Variants in TRIM49C observed in about 807,000 individuals in gnomAD.
TRIM49C encodes tripartite motif containing 49C, also known as tripartite motif-containing protein 49C.
TRIM49C carries 6 observed loss-of-function variants against 21.4 expected under a neutral mutation model. That is an observed-to-expected ratio of 0.28 (90% CI 0.15 to 0.55). The LOEUF (loss-of-function observed/expected upper bound fraction) is 0.55, where lower values mean the gene tolerates loss of function less well. Ranked by LOEUF, TRIM49C falls within the 20% of genes least tolerant of loss-of-function variation. TRIM49C has a pLI of 0.94. For missense variants in TRIM49C, 161 were observed against 442.4 expected (o/e 0.36, Z 5.71); for synonymous variants, 57 against 148.1 (o/e 0.38, Z 4.47).
the TRIM49C span, among the ~76,000 whole-genome samples, chr11:90,055,628 A>G: frequency 6.6e-6 from 1 of 150,652 alleles, no homozygotes; most frequent in East Asian, 2.0e-4. Flanking sequence ...TTTTGAACCT[A>G]TAGGATGGGA....
At chr11:90,046,826 C>T (rs1422309949), downstream of TRIM49C, among the ~76,000 whole-genome samples, 1 of 123,820 alleles carries the variant, frequency 8.1e-6, no homozygotes, top group East Asian at 2.6e-4. Flanking sequence ...AATGTGTTTG[C>T]TCTTGCTTCT....
Position 90,041,078 on chromosome 11 carries a change from C to T in TRIM49C, c.887C>T (p.Ala296Val). ...RVHITLHHEE[A>V]NSDIFLYEIL... ...CATATTACTCTGCATCATGAAGAAG[C>T]CAACAGTGATATCTTTCTGTATGAA... is the stretch of plus-strand genomic sequence containing the variant. Residue 296 changes from alanine (A) to valine (V), a missense_variant, in exon 8 of 8, where the codon GCC becomes GTC. Coordinates refer to ENST00000448984, the MANE Select transcript of TRIM49C (RefSeq NM_001195234.1). The T allele has an allele frequency of 1.3e-6, 2 of 1,591,798 alleles. No individual in the cohort carries two copies. The highest frequency in any genetic ancestry group is 1.7e-6 in the Non-Finnish European group (2 of 1,168,010).
intron 6 of TRIM49C, among the ~76,000 whole-genome samples, 170 bp from the exon 7 acceptor site, chr11:90,039,695 C>A (rs554143353): frequency 7.4e-6 from 1 of 136,020 alleles, no homozygotes; most frequent in Non-Finnish European, 1.6e-5. Context: ...TTCCATCATG[C>A]TTTAAAATTT....
At chr11:90,034,147 G>A (rs1293291944) in intron 2 of TRIM49C, among the ~76,000 whole-genome samples, 1 of 118,176 alleles carries the variant, frequency 8.5e-6, no homozygotes, top group Non-Finnish European at 1.6e-5. Context: ...CTAAGCTCAA[G>A]TCTGAAAGCT....
chr11:90,053,180 T>C, the TRIM49C span: 1 of 139,844 alleles, frequency 7.2e-6, no homozygotes, highest in Non-Finnish European at 1.6e-5. Context: ...CAGATCTGTG[T>C]TAAAGCTCAA....
In TRIM49C at chr11:90,034,652, ATTTAAT is replaced by A. The variant is rs915136758; in HGVS notation, c.-4-550_-4-545del. ...GATTTGGGTCTTTGTTTTTAATTTA[ATTTAAT>A]TTTAAGTCCTGGGATAACTGCAGGA... On this transcript the variant is annotated intron_variant, in intron 2 of 7. Coordinates refer to ENST00000448984, the MANE Select transcript of TRIM49C (RefSeq NM_001195234.1). Among the ~76,000 whole-genome samples the A allele has an allele frequency of 6.6e-4, 83 of 126,632 alleles. 11 individuals carry two copies. The highest frequency in any genetic ancestry group is 1.2e-3 in the Non-Finnish European group (71 of 61,030). The allele number at this position is 126,632 out of a possible 152,430, so 83.1% of individuals were successfully genotyped here.
chr11:90,071,264 C>A, the TRIM49C span: 3 of 466,934 alleles, frequency 6.4e-6, no homozygotes, highest in African/African-American at 4.1e-5. Context: ...TTTACTAACA[C>A]CATAATGTGT....
At chr11:90,038,597 A>G (rs1803199166) in intron 5 of TRIM49C, 96 bp from the exon 6 acceptor site, 2 of 1,074,988 alleles carry the variant, frequency 1.9e-6, no homozygotes, top group Middle Eastern at 2.6e-4. Flanking sequence ...TAGGGAAATA[A>G]TATCTTCAGA....
At chr11:90,031,757 G>C (rs928246739) in intron 1 of TRIM49C, among the ~76,000 whole-genome samples, 1 of 149,846 alleles carries the variant, frequency 6.7e-6, no homozygotes, top group Non-Finnish European at 1.5e-5. Context: ...TTCTCTTAGA[G>C]TGGTAGAAAA....
chr11:90,069,094 GTTTTGTTTTTGT>G, the TRIM49C span, among the ~76,000 whole-genome samples: 3 of 130,208 alleles, frequency 2.3e-5, no homozygotes, highest in East Asian at 4.6e-4. Flanking sequence ...TTTTTGTTTT[GTTTTGTTTTTGT>G]TTTTGTTTTT....
At chr11:90,072,458 G>A in the TRIM49C span, among the ~76,000 whole-genome samples, 19 of 144,606 alleles carry the variant, frequency 1.3e-4, no homozygotes, top group East Asian at 3.7e-3. Context: ...TTCTCTTTAA[G>A]TATGAATTTT....
At chr11:90,039,661 C>A (rs2134821616) in intron 6 of TRIM49C, among the ~76,000 whole-genome samples, 2 of 133,548 alleles carry the variant, frequency 1.5e-5, no homozygotes, top group Middle Eastern at 3.8e-3. Context: ...AAAGAAGGAT[C>A]AGATTGGATT....
Position 90,039,209 on chromosome 11 carries a change from G to C in TRIM49C, c.761+494G>C, listed in dbSNP as rs1161429612. On this transcript the variant is annotated intron_variant, in intron 6 of 7. Coordinates refer to ENST00000448984, the MANE Select transcript of TRIM49C (RefSeq NM_001195234.1). ...GCTGGGATTACAGGCGTGAACCACC[G>C]TGCCCGGCCCCTGATTTTGTTTTAT... 1.1e-4 allele frequency among the ~76,000 whole-genome samples: 14 copies of C among 132,780 alleles called. 3 individuals are homozygous for C. The allele number at this position is 132,780 out of a possible 152,430, so 87.1% of individuals were successfully genotyped here.
At chr11:90,049,166 G>T in the TRIM49C span, among the ~76,000 whole-genome samples, 3 of 123,096 alleles carry the variant, frequency 2.4e-5, no homozygotes, top group African/African-American at 9.6e-5. Context: ...TGAGGTGTCA[G>T]TCTGCCCCTA....
the TRIM49C span, among the ~76,000 whole-genome samples, chr11:90,063,513 C>T: frequency 7.8e-5 from 11 of 140,390 alleles, no homozygotes; most frequent in African/African-American, 2.7e-4. Flanking sequence ...ATCATCCTGG[C>T]TAATACGGTG....
At chr11:90,059,773 C>G in the TRIM49C span, among the ~76,000 whole-genome samples, 1 of 139,552 alleles carries the variant, frequency 7.2e-6, no homozygotes, top group Non-Finnish European at 1.5e-5. Context: ...CTGAGGGGCC[C>G]GAGGTAACCA....
chr11:90,042,391 A>T (rs1391792987), downstream of TRIM49C, among the ~76,000 whole-genome samples: 1 of 133,624 alleles, frequency 7.5e-6, no homozygotes, highest in African/African-American at 2.7e-5. Flanking sequence ...TCACCCCAAC[A>T]TACATAAAGT....
chr11:90,045,187 T>C (rs901971454), downstream of TRIM49C, among the ~76,000 whole-genome samples: 1 of 134,602 alleles, frequency 7.4e-6, no homozygotes, highest in Non-Finnish European at 1.6e-5. Context: ...AGCCTTGTAG[T>C]ATAGTTTGAA....
At chr11:90,035,818 G>T in intron 3 of TRIM49C, 70 bp from the exon 4 acceptor site, 1 of 519,906 alleles carries the variant, frequency 1.9e-6, no homozygotes, top group South Asian at 2.5e-5. Flanking sequence ...GGGCTTATTT[G>T]TCTCTCATTC....
Sources: gnomAD v4.1 joint callset for allele counts (sites outside exome capture counted in the v4.1 genomes callset) on GRCh38, gnomAD v4.1.1 for gene constraint, MANE v1.5 for transcripts, NCBI Gene and HGNC (gene_info 2026-07-23, HGNC 2026-07-21) for gene names.